The following COMMD10 variants were observed in gnomAD, a reference collection of about 807,000 sequenced individuals.
COMMD10 encodes the protein COMM domain-containing protein 10.
Under a neutral mutation model 28.9 loss-of-function variants are expected in COMMD10, and 33 were observed. The ratio of observed to expected loss-of-function variants is 1.14; its 90% CI spans 0.87 to 1.53. The LOEUF (loss-of-function observed/expected upper bound fraction) is 1.53. Ranked by LOEUF, COMMD10 falls within the 40% of genes most tolerant of loss-of-function variation. COMMD10 has a pLI of 0.00. For synonymous variants in COMMD10, 110 were observed against 81.7 expected, an observed-to-expected ratio of 1.35 and a Z score of -1.87; for missense variants, 310 against 233.4, an observed-to-expected ratio of 1.33 and a Z score of -2.14.
chr5:116,114,739 G>A (rs981023404), intron 4 of COMMD10, among the ~76,000 whole-genome samples: 2 of 152,202 alleles, frequency 1.3e-5, no homozygotes, highest in African/African-American at 2.4e-5. Flanking sequence ...TGGCTGGCAA[G>A]TGGGGAATCT....
chr5:116,208,007 C>T (rs1030709232), intron 5 of COMMD10, among the ~76,000 whole-genome samples: 3 of 152,066 alleles, frequency 2.0e-5, no homozygotes, highest in African/African-American at 7.2e-5. Context: ...AGAACATGGG[C>T]TCCTGAATTG....
intron 5 of COMMD10, among the ~76,000 whole-genome samples, chr5:116,136,336 T>G (rs1282116565): frequency 6.6e-6 from 1 of 152,208 alleles, no homozygotes; most frequent in Non-Finnish European, 1.5e-5. Flanking sequence ...ACTGGAGCTA[T>G]TCCATGAGTG....
intron 5 of COMMD10, among the ~76,000 whole-genome samples, chr5:116,238,131 G>A (rs560701711): frequency 2.7e-4 from 41 of 152,090 alleles, no homozygotes; most frequent in Admixed American, 5.9e-4. Context: ...GAACTGTTTA[G>A]ACCAATATGA....
intron 5 of COMMD10, among the ~76,000 whole-genome samples, chr5:116,286,880 A>G (rs1482939980): frequency 3.3e-5 from 5 of 151,816 alleles, no homozygotes; most frequent in Non-Finnish European, 2.9e-5. Context: ...TAATTGGTCT[A>G]TAAGGTTATT....
chr5:116,256,433 G>A (rs1750288355), intron 5 of COMMD10, among the ~76,000 whole-genome samples: 1 of 151,586 alleles, frequency 6.6e-6, no homozygotes, highest in Admixed American at 6.6e-5. Flanking sequence ...TTGTATTTTG[G>A]GTGCTGTAGA....
rs528183161 is a variant in COMMD10, at chr5:116,126,264, G to A, written c.400-7804G>A. The stretch of plus-strand genomic sequence containing the variant: ...GGAGAACTACAAACCACTGCTCAAC[G>A]AAATGAAAGAGGACACAAACAAATG... On this transcript the variant is annotated intron_variant, in intron 4 of 6. Coordinates refer to ENST00000274458, the MANE Select transcript of COMMD10 (RefSeq NM_016144.4). Among the ~76,000 whole-genome samples, 64 of 152,152 alleles carry A rather than the reference G, an allele frequency of 4.2e-4. 1 individual carries two copies. Among genetic ancestry groups the A allele is most frequent in the Non-Finnish European group, 6.8e-4 (46 of 68,034 alleles).
chr5:116,133,965 C>G, intron 4 of COMMD10, 103 bp from the exon 5 acceptor site: 12 of 701,324 alleles, frequency 1.7e-5, no homozygotes, highest in Non-Finnish European at 2.8e-5. Context: ...TCTGTGAAGC[C>G]TAGGCTATCC....
chr5:116,262,015 T>C (rs1750460564), intron 5 of COMMD10, among the ~76,000 whole-genome samples: 1 of 151,740 alleles, frequency 6.6e-6, no homozygotes, highest in Non-Finnish European at 1.5e-5. Flanking sequence ...GTTTGTATTA[T>C]TTTTTCCACT....
At chr5:116,266,809 T>A (rs1750599585) in intron 5 of COMMD10, among the ~76,000 whole-genome samples, 2 of 151,830 alleles carry the variant, frequency 1.3e-5, no homozygotes, top group Non-Finnish European at 2.9e-5. Flanking sequence ...AATCAATGAA[T>A]GTAATCCATC....
intron 5 of COMMD10, among the ~76,000 whole-genome samples, chr5:116,142,829 A>C (rs763664095): frequency 3.3e-5 from 5 of 151,806 alleles, no homozygotes; most frequent in Non-Finnish European, 7.4e-5. Context: ...AGTTAGAGAA[A>C]ATAGAAATAA....
chr5:116,194,032 A>G (rs1187262772), intron 5 of COMMD10, among the ~76,000 whole-genome samples: 1 of 152,172 alleles, frequency 6.6e-6, no homozygotes, highest in African/African-American at 2.4e-5. Context: ...AACCATGCAA[A>G]TACATGGAAA....
At position 116,228,503 on chromosome 5, in the gene COMMD10, T is replaced by C. The variant is rs565233511; in HGVS notation, c.511-63014T>C. Among the ~76,000 whole-genome samples, 133 of 152,056 alleles carry C rather than the reference T, an allele frequency of 8.7e-4. 1 individual carries two copies. The highest frequency in any genetic ancestry group is 1.5e-3 in the Non-Finnish European group (102 of 67,878). ...TATTTCAATAACCAGAATTGTAGGT[T>C]TCAAAAAATGTTTGAAAATTTGCTT... On this transcript the variant is annotated intron_variant, in intron 5 of 6. Coordinates refer to ENST00000274458, the MANE Select transcript of COMMD10 (RefSeq NM_016144.4).
intron 5 of COMMD10, among the ~76,000 whole-genome samples, chr5:116,135,414 A>G: frequency 6.6e-6 from 1 of 152,240 alleles, no homozygotes; most frequent in Non-Finnish European, 1.5e-5. Flanking sequence ...TCTTACATAT[A>G]ATGTATTAGT....
intron 5 of COMMD10, among the ~76,000 whole-genome samples, chr5:116,168,785 A>G (rs1753219310): frequency 6.6e-6 from 1 of 152,206 alleles, no homozygotes; most frequent in African/African-American, 2.4e-5. Context: ...AACCAATGAG[A>G]ACAAAGACAC....
intron 4 of COMMD10, among the ~76,000 whole-genome samples, chr5:116,097,290 C>G (rs1440378749): frequency 6.6e-6 from 1 of 151,796 alleles, no homozygotes. Flanking sequence ...GTCTGAAATG[C>G]TTAAATAATA....
intron 5 of COMMD10, among the ~76,000 whole-genome samples, chr5:116,228,390 C>G (rs1749447392): frequency 6.6e-6 from 1 of 151,600 alleles, no homozygotes; most frequent in African/African-American, 2.4e-5. Context: ...TGATTTTGCC[C>G]AATGACACAA....
intron 5 of COMMD10, among the ~76,000 whole-genome samples, chr5:116,230,278 A>G (rs1400198199): frequency 6.6e-6 from 1 of 152,040 alleles, no homozygotes; most frequent in Non-Finnish European, 1.5e-5. Context: ...GTGTAGTAGC[A>G]TCTTAAAATA....
chr5:116,249,375 C>T (rs964805381), intron 5 of COMMD10, among the ~76,000 whole-genome samples: 1 of 151,804 alleles, frequency 6.6e-6, no homozygotes, highest in East Asian at 1.9e-4. Context: ...AATCCAGTTT[C>T]GTAGAGCTCA....
intron 4 of COMMD10, among the ~76,000 whole-genome samples, chr5:116,103,068 A>G (rs1750718802): frequency 6.6e-6 from 1 of 151,948 alleles, no homozygotes; most frequent in Admixed American, 6.5e-5. Flanking sequence ...CCAGTCTTTC[A>G]TTGATGGGCA....
Sources: allele counts gnomAD v4.1 joint callset (sites outside exome capture counted in the v4.1 genomes callset), GRCh38; gene constraint gnomAD v4.1.1; transcripts MANE v1.5; gene names NCBI Gene and HGNC (gene_info 2026-07-23, HGNC 2026-07-21).